Variants in SEMA6A observed in about 807,000 individuals in gnomAD.
SEMA6A encodes the protein semaphorin-6A.
Under a neutral mutation model 96.8 loss-of-function variants are expected in SEMA6A, and 25 were observed. That is an observed-to-expected ratio of 0.26 (90% CI 0.19 to 0.36). The LOEUF is 0.36. Ranked by LOEUF, SEMA6A falls within the 10% of genes least tolerant of loss-of-function variation. The pLI is 1.00. For synonymous variants in SEMA6A, 612 were observed against 518.0 expected (o/e 1.18, Z -2.46); for missense variants, 1,363 against 1,323.1 (o/e 1.03, Z -0.47).
At chr5:116,514,906 A>G (rs1758594846) in intron 1 of SEMA6A, among the ~76,000 whole-genome samples, 1 of 152,240 alleles carries the variant, frequency 6.6e-6, no homozygotes, top group Non-Finnish European at 1.5e-5. Flanking sequence ...GCTTTTGCTC[A>G]TTATTCCAAA....
intron 10 of SEMA6A, among the ~76,000 whole-genome samples, chr5:116,484,960 C>T (rs1168503126): frequency 1.3e-5 from 2 of 152,108 alleles, no homozygotes; most frequent in African/African-American, 4.8e-5. Flanking sequence ...TGCCAGAGAG[C>T]TAGGGCTTTA....
chr5:116,474,258 TTAA>T (rs1455807886), intron 16 of SEMA6A, among the ~76,000 whole-genome samples: 1 of 147,944 alleles, frequency 6.8e-6, no homozygotes, highest in Non-Finnish European at 1.5e-5. Context: ...AACTAAGCTG[TTAA>T]TAAAGCGTGC....
At chr5:116,542,937 C>T (rs534744205) in intron 1 of SEMA6A, among the ~76,000 whole-genome samples, 1 of 152,114 alleles carries the variant, frequency 6.6e-6, no homozygotes, top group South Asian at 2.1e-4. Context: ...TTTGGGGGGT[C>T]ATTTTGAAGA....
At chr5:116,468,024 C>T (rs1048170520) in intron 17 of SEMA6A, 1 of 396,884 alleles carries the variant, frequency 2.5e-6, no homozygotes, top group African/African-American at 2.1e-5. Flanking sequence ...TTAACCTCTT[C>T]CTGTGCACCC....
chr5:116,566,335 G>A (rs1477075287), intron 1 of SEMA6A, among the ~76,000 whole-genome samples: 1 of 152,208 alleles, frequency 6.6e-6, no homozygotes, highest in African/African-American at 2.4e-5. Flanking sequence ...TTATAGGTTA[G>A]TTGGAAATTC....
chr5:116,516,910 G>A (rs1209900686), intron 1 of SEMA6A, among the ~76,000 whole-genome samples: 1 of 152,166 alleles, frequency 6.6e-6, no homozygotes, highest in Non-Finnish European at 1.5e-5. Context: ...TTCTTTGGCA[G>A]CATCTGGAGG....
In SEMA6A at chr5:116,508,779, G is replaced by C. The variant is rs115103543; in HGVS notation, c.-38-3797C>G. Among the ~76,000 whole-genome samples, 381 of 152,256 alleles carry C rather than the reference G, an allele frequency of 2.5e-3. 5 individuals are homozygous for C. The Middle Eastern group carries it at 0.027, about 11-fold the overall frequency. On this transcript the variant is annotated intron_variant, in intron 1 of 18. Coordinates refer to ENST00000343348, the MANE Select transcript of SEMA6A (RefSeq NM_020796.5). ...GCTGCCCCAAATAGGGCTCTCTCCA[G>C]ACGGAAACATTCCCACTCCTTCCCA...
intron 1 of SEMA6A, among the ~76,000 whole-genome samples, chr5:116,512,243 T>C (rs1224449458): frequency 2.0e-5 from 3 of 152,186 alleles, no homozygotes; most frequent in Non-Finnish European, 4.4e-5. Context: ...ACCTTTATTG[T>C]ACCCAGTTTG....
chr5:116,456,838 C>A (rs1487249784), intron 18 of SEMA6A, among the ~76,000 whole-genome samples: 1 of 152,184 alleles, frequency 6.6e-6, no homozygotes, highest in African/African-American at 2.4e-5. Flanking sequence ...AAAACCCACT[C>A]CCTCAACTCA....
At chr5:116,469,019 T>C (rs1310312561) in intron 17 of SEMA6A, 2 of 152,260 alleles carry the variant, frequency 1.3e-5, no homozygotes, top group Non-Finnish European at 2.9e-5. Context: ...ATATTGCAAA[T>C]TAGACAAAAC....
At chr5:116,468,025 C>G in intron 17 of SEMA6A, 1 of 397,782 alleles carries the variant, frequency 2.5e-6, no homozygotes, top group Non-Finnish European at 4.6e-6. Flanking sequence ...TAACCTCTTC[C>G]TGTGCACCCA....
chr5:116,475,077 A>G (rs796170844), intron 16 of SEMA6A, among the ~76,000 whole-genome samples: 1 of 152,194 alleles, frequency 6.6e-6, no homozygotes, highest in African/African-American at 2.4e-5. Flanking sequence ...TACATATGGT[A>G]ATAGACACAA....
At chr5:116,496,336 C>T (rs757691704) in intron 4 of SEMA6A, 23 bp from the exon 5 acceptor site, 14 of 1,607,074 alleles carry the variant, frequency 8.7e-6, no homozygotes, top group Middle Eastern at 1.7e-4. Context: ...AGAAAGAAAT[C>T]AATTAGAGCC....
chr5:116,447,421 G>T lies in SEMA6A; in HGVS notation c.2285C>A (p.Pro762Gln). ...GGGCTTCCGCTTCTGCTGCAGCGTT[G>T]GGGTTGACTCTGGGGTGGGGAGGGC... is the stretch of plus-strand genomic sequence containing the variant. ...LTALPTPESTPTLQQKRKPSR... is the reference protein window; with the variant it reads ...LTALPTPESTQTLQQKRKPSR... The change falls in exon 19 of 19, where the codon CCA (proline) becomes CAA (glutamine). Residue 762 changes from proline (P) to glutamine (Q), a missense_variant. By Grantham distance (76) the Pro-to-Gln change is moderately conservative. This residue lies in a region of SEMA6A where 883 missense variants were observed against 763.6 expected (regional missense o/e 1.16). Coordinates refer to ENST00000343348, the MANE Select transcript of SEMA6A (RefSeq NM_020796.5). 1 of 1,614,064 alleles carries T rather than the reference G, an allele frequency of 6.2e-7. No individual in the cohort carries two copies. The highest frequency in any genetic ancestry group is 8.5e-7 in the Non-Finnish European group (1 of 1,179,898).
At chr5:116,501,356 AGC>A (rs1757871107) in intron 3 of SEMA6A, among the ~76,000 whole-genome samples, 1 of 152,210 alleles carries the variant, frequency 6.6e-6, no homozygotes, top group African/African-American at 2.4e-5. Context: ...TTAAGACATC[AGC>A]CTGTCTGTCT....
intron 1 of SEMA6A, among the ~76,000 whole-genome samples, chr5:116,521,947 A>G (rs1006135154): frequency 6.6e-6 from 1 of 152,242 alleles, no homozygotes; most frequent in African/African-American, 2.4e-5. Context: ...AACATTGTGC[A>G]CATTGAAGGT....
In SEMA6A at chr5:116,447,811, C is replaced by G. The variant is rs780542436; in HGVS notation, c.1895G>C (p.Gly632Ala). ...VSSHNHQDKK[G>A]VIRESYLKGH... ...TTTGAGGTAACTTTCCCGAATCACT[C>G]CTGCAATAGACATCGCATATGGCGT... Residue 632 changes from glycine (G) to alanine (A), a missense_variant and splice_region_variant, in exon 19 of 19, where the codon GGA (glycine) becomes GCA (alanine). By Grantham distance (60) the Gly-to-Ala change is moderately conservative (BLOSUM62 0). Around this residue, in one of 2 missense-constraint regions of SEMA6A, gnomAD observed 883 missense variants for 763.6 expected, o/e 1.16. Transcript: ENST00000343348. 2 of 1,587,934 alleles carry G rather than the reference C, an allele frequency of 1.3e-6. No homozygotes were observed. The highest frequency in any genetic ancestry group is 1.7e-5 in the Admixed American group (1 of 58,258).
At chr5:116,524,933 A>G (rs1759152147) in intron 1 of SEMA6A, among the ~76,000 whole-genome samples, 1 of 152,216 alleles carries the variant, frequency 6.6e-6, no homozygotes, top group Admixed American at 6.5e-5. Flanking sequence ...GTAAAGATCT[A>G]GACAATGGCA....
chr5:116,470,774 G>C (rs997770952), intron 17 of SEMA6A, among the ~76,000 whole-genome samples: 11 of 152,114 alleles, frequency 7.2e-5, no homozygotes, highest in Admixed American at 1.3e-4. Flanking sequence ...TTGGCTCTAT[G>C]AGCCTACACT....
Sources: allele counts gnomAD v4.1 joint callset (sites outside exome capture counted in the v4.1 genomes callset), GRCh38; gene constraint gnomAD v4.1.1; regional missense constraint gnomAD v4.1.1; transcripts MANE v1.5; gene names NCBI Gene and HGNC (gene_info 2026-07-23, HGNC 2026-07-21).